Variants in CFAP299 observed in about 807,000 individuals in gnomAD.
The protein encoded by CFAP299 is cilia and flagella associated protein 299.
A neutral mutation model predicts 27.0 loss-of-function variants in CFAP299; 21 were observed. The ratio of observed to expected loss-of-function variants is 0.78; its 90% CI spans 0.55 to 1.12. The LOEUF is 1.12. Among genes scored for constraint, CFAP299 ranks in the 50% most tolerant of loss-of-function variants. CFAP299 has a pLI of 0.00. For missense variants in CFAP299, 310 were observed against 276.6 expected (o/e 1.12, Z -0.86); for synonymous variants, 104 against 98.1 (o/e 1.06, Z -0.36).
chr4:80,657,495 C>A (rs1057079666), intron 3 of CFAP299, among the ~76,000 whole-genome samples: 1 of 152,044 alleles, frequency 6.6e-6, no homozygotes, highest in Non-Finnish European at 1.5e-5. Flanking sequence ...ATCCTTTCCC[C>A]ATTGCTTTTT....
At chr4:80,353,164 T>G (rs1723095285) in intron 1 of CFAP299, among the ~76,000 whole-genome samples, 2 of 152,244 alleles carry the variant, frequency 1.3e-5, no homozygotes, top group Non-Finnish European at 1.5e-5. Flanking sequence ...CTTACTAGGC[T>G]GATTGTAGTC....
chr4:80,801,650 T>C (rs1279835407), intron 3 of CFAP299, among the ~76,000 whole-genome samples: 1 of 152,108 alleles, frequency 6.6e-6, no homozygotes, highest in Non-Finnish European at 1.5e-5. Context: ...GTCAATCGTA[T>C]TCCACTTATT....
intron 2 of CFAP299, among the ~76,000 whole-genome samples, chr4:80,521,224 T>G (rs1732895808): frequency 6.6e-6 from 1 of 152,150 alleles, no homozygotes; most frequent in Non-Finnish European, 1.5e-5. Context: ...TTGTTCTAAG[T>G]AAGACATTTC....
intron 2 of CFAP299, chr4:80,387,433 G>T: frequency 1.1e-6 from 1 of 875,382 alleles, no homozygotes; most frequent in Non-Finnish European, 1.9e-6. Flanking sequence ...ACAAGTAGGA[G>T]CTGTAGATGA....
intron 2 of CFAP299, among the ~76,000 whole-genome samples, chr4:80,437,192 A>G (rs2110083328): frequency 6.6e-6 from 1 of 152,286 alleles, no homozygotes; most frequent in Non-Finnish European, 1.5e-5. Flanking sequence ...CAATGTTTCT[A>G]AGGTGTTATT....
intron 2 of CFAP299, among the ~76,000 whole-genome samples, chr4:80,485,188 A>G (rs1274774889): frequency 6.6e-6 from 1 of 151,618 alleles, no homozygotes; most frequent in African/African-American, 2.4e-5. Context: ...TGACCCTAAC[A>G]GAGCCCTTAG....
At chr4:80,367,552 A>C (rs1452193299) in intron 2 of CFAP299, among the ~76,000 whole-genome samples, 2 of 151,808 alleles carry the variant, frequency 1.3e-5, no homozygotes, top group Non-Finnish European at 2.9e-5. Flanking sequence ...CCATTTCAAC[A>C]TTTACTGGGT....
At chr4:80,921,012 T>C (rs188508290) in intron 4 of CFAP299, among the ~76,000 whole-genome samples, 2 of 152,208 alleles carry the variant, frequency 1.3e-5, no homozygotes, top group Admixed American at 1.3e-4. Flanking sequence ...AAATGCATGT[T>C]TGTTGCCTTC....
At chr4:80,586,795 A>T (rs1355337209) in intron 3 of CFAP299, among the ~76,000 whole-genome samples, 1 of 152,192 alleles carries the variant, frequency 6.6e-6, no homozygotes, top group Non-Finnish European at 1.5e-5. Flanking sequence ...GAGAGGTCAC[A>T]TGCTGTTCGG....
At chr4:80,571,187 G>A (rs556511248) in intron 2 of CFAP299, among the ~76,000 whole-genome samples, 26 of 151,984 alleles carry the variant, frequency 1.7e-4, no homozygotes, top group Non-Finnish European at 2.9e-5. Context: ...AGTGATCAGC[G>A]GCTTCTATCT....
intron 1 of CFAP299, among the ~76,000 whole-genome samples, chr4:80,355,354 CTT>C (rs70944772): frequency 2.0e-3 from 190 of 95,488 alleles, no homozygotes; most frequent in African/African-American, 7.6e-3. Context: ...ATGTCCTTTG[CTT>C]TTTTTTTTTT....
rs143816439 is a variant in CFAP299 at position 80,729,379 on chromosome 4, C to T, written c.334-140614C>T. On this transcript the variant is annotated intron_variant, in intron 3 of 5. Coordinates refer to ENST00000358105, the MANE Select transcript of CFAP299 (RefSeq NM_152770.3). ...TCATGCACTTAGGTCATCCTGTTCC[C>T]TTGAGCAGGCTGGACTTTGTGACTC... Among the ~76,000 whole-genome samples, 1,423 of 152,214 alleles carry T rather than the reference C, an allele frequency of 9.3e-3. 17 individuals are homozygous for T. The highest frequency in any genetic ancestry group is 0.061 in the South Asian group (295 of 4,826).
chr4:80,787,761 A>G (rs574347423), intron 3 of CFAP299, among the ~76,000 whole-genome samples: 1 of 151,994 alleles, frequency 6.6e-6, no homozygotes, highest in African/African-American at 2.4e-5. Flanking sequence ...TAATTTATCT[A>G]TTGCCACTCC....
At chr4:80,926,980 C>A (rs868039723) in intron 4 of CFAP299, among the ~76,000 whole-genome samples, 1 of 152,054 alleles carries the variant, frequency 6.6e-6, no homozygotes, top group African/African-American at 2.4e-5. Flanking sequence ...CCATAACAGG[C>A]TGCAACAAAT....
At chr4:80,355,291 CT>C (rs1365064087) in intron 1 of CFAP299, among the ~76,000 whole-genome samples, 1 of 146,920 alleles carries the variant, frequency 6.8e-6, no homozygotes, top group Non-Finnish European at 1.5e-5. Context: ...TGATGTTGAA[CT>C]TTTTAAAATG....
chr4:80,685,540 A>G (rs1388000869), intron 3 of CFAP299, among the ~76,000 whole-genome samples: 4 of 148,886 alleles, frequency 2.7e-5, no homozygotes, highest in Non-Finnish European at 5.9e-5. Context: ...TTTTCATTTA[A>G]TAACTGAACT....
chr4:80,336,675 G>C (rs1013122771), intron 1 of CFAP299: 4 of 152,168 alleles, frequency 2.6e-5, no homozygotes, highest in African/African-American at 9.7e-5. Flanking sequence ...GCTGGGAGGC[G>C]GACGATGGCT....
At chr4:80,577,972 A>G (rs1473162492) in intron 2 of CFAP299, among the ~76,000 whole-genome samples, 2 of 152,236 alleles carry the variant, frequency 1.3e-5, no homozygotes, top group African/African-American at 4.8e-5. Flanking sequence ...TCATAAAACC[A>G]GTAACCTAAT....
At chr4:80,356,048 T>C (rs1723258962) in intron 1 of CFAP299, among the ~76,000 whole-genome samples, 1 of 152,194 alleles carries the variant, frequency 6.6e-6, no homozygotes, top group Non-Finnish European at 1.5e-5. Context: ...TTCAATTTTC[T>C]GCTTATGGCT....
Sources: allele counts gnomAD v4.1 joint callset (sites outside exome capture counted in the v4.1 genomes callset), GRCh38; gene constraint gnomAD v4.1.1; transcripts MANE v1.5; gene names NCBI Gene and HGNC (gene_info 2026-07-23, HGNC 2026-07-21).